The following AADAT variants were observed in gnomAD, a reference collection of about 807,000 sequenced individuals.
AADAT encodes aminoadipate aminotransferase.
A neutral mutation model predicts 56.2 loss-of-function variants in AADAT; 25 were observed. The observed-to-expected ratio is 0.44, with a 90% CI of 0.32 to 0.62. The LOEUF (loss-of-function observed/expected upper bound fraction) is 0.62, where lower values mean the gene tolerates loss of function less well. Among genes scored for constraint, AADAT ranks in the 20% least tolerant of loss-of-function variants. The probability of loss-of-function intolerance (pLI) is 0.04; values close to 1 mark genes in which losing one functional copy is unlikely to be tolerated. For synonymous variants in AADAT, 173 were observed against 164.7 expected, an observed-to-expected ratio of 1.05 and a Z score of -0.39; for missense variants, 387 against 510.5, an observed-to-expected ratio of 0.76 and a Z score of 2.33.
upstream of AADAT, among the ~76,000 whole-genome samples, chr4:170,092,216 G>A (rs1024259527): frequency 6.6e-6 from 1 of 152,258 alleles, no homozygotes; most frequent in African/African-American, 2.4e-5. Flanking sequence ...TTTTCTCGCA[G>A]TTTGCAATAA....
intron 4 of AADAT, among the ~76,000 whole-genome samples, chr4:170,077,407 C>G (rs1732092585): frequency 6.6e-6 from 1 of 151,872 alleles, no homozygotes; most frequent in South Asian, 2.1e-4. Context: ...AGTCTTCCAC[C>G]TCCTTTGTTA....
chr4:170,079,319 G>C (rs1732182950), intron 3 of AADAT, among the ~76,000 whole-genome samples: 1 of 152,176 alleles, frequency 6.6e-6, no homozygotes, highest in Non-Finnish European at 1.5e-5. Flanking sequence ...AGAGTGGTGT[G>C]ACATCAGACA....
intron 4 of AADAT, among the ~76,000 whole-genome samples, 182 bp from the exon 5 acceptor site, chr4:170,073,527 T>G (rs1242953909): frequency 6.6e-6 from 1 of 151,380 alleles, no homozygotes; most frequent in Non-Finnish European, 1.5e-5. Flanking sequence ...TTTTTTGAGA[T>G]GGAGTCTCGC....
At chr4:170,083,946 T>C (rs1013753651) in intron 3 of AADAT, among the ~76,000 whole-genome samples, 3 of 152,208 alleles carry the variant, frequency 2.0e-5, no homozygotes, top group African/African-American at 4.8e-5. Flanking sequence ...ATGTTTATTA[T>C]GGCACTTATT....
chr4:170,085,609 T>C (rs191457266), intron 3 of AADAT, among the ~76,000 whole-genome samples: 2 of 152,340 alleles, frequency 1.3e-5, no homozygotes, highest in East Asian at 3.9e-4. Context: ...CTTGAGCAAC[T>C]TTCTGGAAGA....
intron 8 of AADAT, among the ~76,000 whole-genome samples, chr4:170,067,647 A>C (rs1316868348): frequency 6.6e-6 from 1 of 152,148 alleles, no homozygotes; most frequent in African/African-American, 2.4e-5. Flanking sequence ...ACCAAATGTA[A>C]TCTCTATAAA....
chr4:170,060,889 A>T lies in AADAT; in HGVS notation c.*39T>A. 6.6e-7 allele frequency: 1 copy of T among 1,507,642 alleles called. No individual in the cohort carries two copies. Among genetic ancestry groups the T allele is most frequent in the Non-Finnish European group, 8.9e-7 (1 of 1,121,162 alleles). 93.4% of individuals were successfully genotyped at this position (1,507,642 alleles called of 1,614,324 possible). ...CTCTGCCTCCCAAAGTGCTGGGATT[A>T]TAGGTGTGAGCCACCATGCCCAACC... is the stretch of plus-strand genomic sequence containing the variant. On this transcript the variant is annotated 3_prime_UTR_variant, in exon 13 of 13. Transcript: ENST00000337664.
intron 3 of AADAT, among the ~76,000 whole-genome samples, chr4:170,081,109 T>TA (rs1342309880): frequency 1.3e-5 from 2 of 151,926 alleles, no homozygotes; most frequent in Non-Finnish European, 2.9e-5. Context: ...ATTGAAATAA[T>TA]AAAAATAACA....
rs1179398902 is a variant in AADAT, at chr4:170,066,599, A to G, written c.963-121T>C. 5 of 716,164 alleles carry G rather than the reference A, an allele frequency of 7.0e-6. No homozygotes were observed. In the East Asian group the frequency reaches 7.8e-5, roughly 11 times the overall value. 44.4% of individuals were successfully genotyped at this position (716,164 alleles called of 1,614,324 possible). A position where few individuals can be genotyped will look rare whatever the true frequency, so the allele number is the denominator to read the frequency against. The stretch of plus-strand genomic sequence containing the variant: ...TCTTGATTAAAATGTTGAATGCTTG[A>G]TAGAAGAATGGAGCATATTTGTTTC... On this transcript the variant is annotated intron_variant, in intron 9 of 12. Coordinates refer to ENST00000337664, the MANE Select transcript of AADAT (RefSeq NM_016228.4).
Position 170,089,662 on chromosome 4 carries a change from G to A in AADAT, c.29C>T (p.Ala10Val). Reference protein sequence around the residue: MNYARFITAASAARNPSPIR... With the variant: MNYARFITAVSAARNPSPIR... ...GGGAGAAGGGTTTCTGGCTGCGCTC[G>A]CTGCCGTGATGAACCGTGCGTAATT... Residue 10 changes from alanine to valine, a missense_variant, in exon 1 of 13, where the codon GCG (alanine) becomes GTG (valine). Ala to Val is a moderately conservative substitution (Grantham distance 64, BLOSUM62 0). Transcript: ENST00000337664. 1.2e-6 allele frequency: 2 copies of A among 1,614,156 alleles called. No homozygotes were observed. The highest frequency in any genetic ancestry group is 1.7e-6 in the Non-Finnish European group (2 of 1,180,022).
At chr4:170,065,834 A>C (rs1207598712) in intron 10 of AADAT, among the ~76,000 whole-genome samples, 1 of 152,206 alleles carries the variant, frequency 6.6e-6, no homozygotes, top group Admixed American at 6.5e-5. Context: ...TTTATAGAAA[A>C]TAAGATAGGA....
intron 3 of AADAT, among the ~76,000 whole-genome samples, chr4:170,079,814 C>T (rs990051910): frequency 6.6e-6 from 1 of 152,170 alleles, no homozygotes; most frequent in Admixed American, 6.5e-5. Flanking sequence ...TTGAAACACC[C>T]TGTGATGATG....
intron 3 of AADAT, among the ~76,000 whole-genome samples, 168 bp from the exon 4 acceptor site, chr4:170,078,751 T>C (rs917650551): frequency 6.6e-6 from 1 of 152,154 alleles, no homozygotes; most frequent in African/African-American, 2.4e-5. Flanking sequence ...GTATCTCTGT[T>C]GCAACTACCC....
In AADAT at chr4:170,089,909, C is replaced by G; in HGVS notation, c.-219G>C. On this transcript the variant is annotated 5_prime_UTR_variant, in exon 1 of 13. Transcript: ENST00000337664. ...TTCGGTCTCCCGGTCCTAAACGGGT[C>G]TGGGGCTGTGTGGCGAGCCCGGCAA... The G allele has an allele frequency of 1.9e-6, 1 of 516,880 alleles. No homozygotes were observed. The highest frequency in any genetic ancestry group is 2.5e-5 in the South Asian group (1 of 40,204). The allele number at this position is 516,880 out of a possible 1,614,324, so 32.0% of individuals were successfully genotyped here.
intron 3 of AADAT, among the ~76,000 whole-genome samples, chr4:170,082,111 C>T (rs1732348324): frequency 1.3e-5 from 2 of 151,934 alleles, no homozygotes; most frequent in South Asian, 4.2e-4. Context: ...ATGGACAAAC[C>T]CAGAATACTC....
intron 10 of AADAT, among the ~76,000 whole-genome samples, chr4:170,065,729 G>A (rs1381419781): frequency 1.3e-5 from 2 of 152,130 alleles, no homozygotes; most frequent in African/African-American, 2.4e-5. Context: ...TGGAACTCCT[G>A]ACCTCAGGTG....
intron 3 of AADAT, among the ~76,000 whole-genome samples, chr4:170,080,043 A>G (rs1329508960): frequency 1.3e-5 from 2 of 152,168 alleles, no homozygotes. Flanking sequence ...ACCACACAAC[A>G]TGCTACTGAG....
intron 6 of AADAT, among the ~76,000 whole-genome samples, chr4:170,069,620 G>C (rs901690688): frequency 4.6e-5 from 7 of 152,156 alleles, no homozygotes; most frequent in Non-Finnish European, 2.9e-5. Flanking sequence ...GCACTGAAGG[G>C]TGTTCAGAGA....
chr4:170,061,950 G>A lies in AADAT; in HGVS notation c.1178C>T (p.Ala393Val). 1.2e-6 allele frequency: 2 copies of A among 1,613,248 alleles called. No individual in the cohort carries two copies. Among genetic ancestry groups the A allele is most frequent in the Non-Finnish European group, 8.5e-7 (1 of 1,179,480 alleles). ...GGATGCTCTCAAGTAAGGGCTAGGAGCTGAGCTATCGACGTAGAAAGCATT... is the reference window on the plus strand; with the variant it reads ...GGATGCTCTCAAGTAAGGGCTAGGAACTGAGCTATCGACGTAGAAAGCATT... ...PGNAFYVDSS[A>V]PSPYLRASFS... Residue 393 changes from alanine (A) to valine (V), a missense_variant, in exon 12 of 13, where the codon GCT becomes GTT. Physicochemically the swap from Ala to Val is moderately conservative, Grantham distance 64. Transcript: ENST00000337664.
Sources: allele counts gnomAD v4.1 joint callset (sites outside exome capture counted in the v4.1 genomes callset), GRCh38; gene constraint gnomAD v4.1.1; transcripts MANE v1.5; gene names NCBI Gene and HGNC (gene_info 2026-07-23, HGNC 2026-07-21).